The following CADPS variants were observed in gnomAD, a reference collection of about 807,000 sequenced individuals.
CADPS encodes the protein calcium-dependent secretion activator 1.
CADPS carries 57 observed loss-of-function variants against 167.3 expected under a neutral mutation model. That is an observed-to-expected ratio of 0.34 (90% CI 0.28 to 0.42). The LOEUF is 0.42. CADPS is among the 20% of genes least tolerant of loss of function. CADPS has a pLI of 1.00. For synonymous variants in CADPS, 676 were observed against 635.3 expected, an observed-to-expected ratio of 1.06 and a Z score of -0.96; for missense variants, 1,414 against 1,738.1, an observed-to-expected ratio of 0.81 and a Z score of 3.32.
At chr3:62,614,880 TTTC>T (rs2062024426) in intron 6 of CADPS, among the ~76,000 whole-genome samples, 1 of 152,188 alleles carries the variant, frequency 6.6e-6, no homozygotes, top group South Asian at 2.1e-4. Flanking sequence ...CAGCCTCTCT[TTTC>T]TTGTCTGTAA....
chr3:62,456,520 C>A (rs928694128), intron 26 of CADPS, among the ~76,000 whole-genome samples: 1 of 152,062 alleles, frequency 6.6e-6, no homozygotes, highest in Admixed American at 6.5e-5. Flanking sequence ...GAAAGACAAA[C>A]AAGCACCAAA....
intron 3 of CADPS, among the ~76,000 whole-genome samples, chr3:62,666,185 G>T (rs944151239): frequency 7.2e-5 from 11 of 152,114 alleles, no homozygotes; most frequent in Admixed American, 2.0e-4. Flanking sequence ...GAGTCCCCTT[G>T]CTCTGTTAGA....
chr3:62,855,703 G>A (rs543618), intron 1 of CADPS, among the ~76,000 whole-genome samples: 9,396 of 152,142 alleles, frequency 0.062, 992 homozygotes, highest in African/African-American at 0.21. Context: ...ATTATTTGCC[G>A]ATTTTGGGGG....
chr3:62,585,139 G>T, intron 8 of CADPS, 46 bp downstream of exon 8: 2 of 1,586,290 alleles, frequency 1.3e-6, no homozygotes, highest in South Asian at 1.1e-5. Context: ...TTTGAGAAAT[G>T]AACAGACGTG....
At chr3:62,749,653 T>C (rs773187162) in intron 3 of CADPS, among the ~76,000 whole-genome samples, 3 of 152,116 alleles carry the variant, frequency 2.0e-5, no homozygotes, top group African/African-American at 7.2e-5. Context: ...AGTGAGTAAA[T>C]GTATAATTTC....
At chr3:62,649,653 C>G (rs1478319232) in intron 5 of CADPS, among the ~76,000 whole-genome samples, 1 of 139,024 alleles carries the variant, frequency 7.2e-6, no homozygotes, top group Non-Finnish European at 1.5e-5. Flanking sequence ...CTTGATCTCC[C>G]TAGCTAAATT....
intron 11 of CADPS, among the ~76,000 whole-genome samples, chr3:62,538,048 A>C (rs1220375157): frequency 6.6e-6 from 1 of 152,152 alleles, no homozygotes. Flanking sequence ...AAATCGCTCC[A>C]TTAGAATAAT....
chr3:62,639,849 C>T (rs945538959), intron 6 of CADPS, among the ~76,000 whole-genome samples: 2 of 152,074 alleles, frequency 1.3e-5, no homozygotes, highest in East Asian at 3.9e-4. Flanking sequence ...ACATTGTTCC[C>T]CCTTCTGGTC....
intron 5 of CADPS, among the ~76,000 whole-genome samples, chr3:62,646,187 A>T (rs189175535): frequency 1.5e-3 from 184 of 126,742 alleles, no homozygotes; most frequent in African/African-American, 4.7e-3. Context: ...TTTGAGATGG[A>T]GTCTCGCTCT....
intron 1 of CADPS, among the ~76,000 whole-genome samples, chr3:62,828,385 G>C (rs2152973836): frequency 6.6e-6 from 1 of 152,254 alleles, no homozygotes; most frequent in African/African-American, 2.4e-5. Context: ...TCAATCATCA[G>C]AGAAATTCTT....
At chr3:62,536,052 C>T (rs547756080) in intron 12 of CADPS, 81 of 161,358 alleles carry the variant, frequency 5.0e-4, no homozygotes, top group African/African-American at 1.8e-3. Flanking sequence ...AAAGAGAATA[C>T]ATTCATGTAA....
At chr3:62,516,213 A>C (rs1242414117) in intron 15 of CADPS, 31 bp from the exon 16 acceptor site, 3 of 1,612,058 alleles carry the variant, frequency 1.9e-6, no homozygotes, top group East Asian at 2.2e-5. Context: ...GATTATTAAG[A>C]AGGTTCAAGC....
intron 28 of CADPS, among the ~76,000 whole-genome samples, chr3:62,437,471 T>C (rs1201422672): frequency 2.0e-5 from 3 of 151,860 alleles, no homozygotes; most frequent in African/African-American, 7.3e-5. Flanking sequence ...TTGATCTGGG[T>C]CCGCAGCCCA....
intron 1 of CADPS, among the ~76,000 whole-genome samples, chr3:62,834,520 T>C (rs939734720): frequency 6.6e-6 from 1 of 152,162 alleles, no homozygotes; most frequent in African/African-American, 2.4e-5. Context: ...AGACAGAGCC[T>C]TACCCTAACC....
At chr3:62,650,175 C>A (rs1272655258) in intron 5 of CADPS, among the ~76,000 whole-genome samples, 1 of 152,098 alleles carries the variant, frequency 6.6e-6, no homozygotes, top group Admixed American at 6.5e-5. Flanking sequence ...AATGGCTGCA[C>A]AATTTTATAT....
At position 62,496,242 on chromosome 3, in the gene CADPS, G is replaced by A. The variant is rs189480514; in HGVS notation, c.2707-2577C>T. Among the ~76,000 whole-genome samples the A allele has an allele frequency of 3.3e-5, 5 of 152,118 alleles. No individual in the cohort carries two copies. The East Asian group carries it at 9.7e-4, about 29-fold the overall frequency. Reference sequence around the variant, plus strand: ...ACTCCAGCCAGTCTTGACCCTGGTTGTACACTGGAATCACCTGGGCAGCTT... The same window carrying A: ...ACTCCAGCCAGTCTTGACCCTGGTTATACACTGGAATCACCTGGGCAGCTT... On this transcript the variant is annotated intron_variant, in intron 18 of 29. Coordinates refer to ENST00000383710, the MANE Select transcript of CADPS (RefSeq NM_003716.4).
intron 16 of CADPS, among the ~76,000 whole-genome samples, chr3:62,515,146 C>T (rs1427470549): frequency 1.3e-5 from 2 of 151,970 alleles, no homozygotes; most frequent in African/African-American, 4.8e-5. Flanking sequence ...GTTTCTTTTC[C>T]CCCCAGTTGT....
intron 1 of CADPS, among the ~76,000 whole-genome samples, chr3:62,852,249 T>C (rs901061450): frequency 3.9e-5 from 6 of 152,018 alleles, no homozygotes; most frequent in African/African-American, 1.2e-4. Context: ...AGTAATTTGA[T>C]CGTCTGAAGC....
chr3:62,526,236 A>G (rs1421391225), intron 13 of CADPS, among the ~76,000 whole-genome samples: 1 of 152,182 alleles, frequency 6.6e-6, no homozygotes, highest in Non-Finnish European at 1.5e-5. Context: ...ACATCGCCCA[A>G]AAGAAATCTT....
Sources: allele counts gnomAD v4.1 joint callset (sites outside exome capture counted in the v4.1 genomes callset), GRCh38; gene constraint gnomAD v4.1.1; transcripts MANE v1.5; gene names NCBI Gene and HGNC (gene_info 2026-07-23, HGNC 2026-07-21).